IFT43: variants seen among roughly 807,000 people sequenced by gnomAD.
IFT43 encodes intraflagellar transport protein 43 homolog.
A neutral mutation model predicts 32.3 loss-of-function variants in IFT43; 33 were observed. The observed-to-expected ratio is 1.02, with a 90% confidence interval of 0.77 to 1.37. The LOEUF is 1.37. Among genes scored for constraint, IFT43 ranks in the 40% most tolerant of loss-of-function variants. The pLI, the probability that IFT43 is intolerant of heterozygous loss-of-function variation, is 0.00. For synonymous variants in IFT43, 93 were observed against 98.2 expected (o/e 0.95, Z 0.31); for missense variants, 274 against 265.9 (o/e 1.03, Z -0.21).
At position 76,082,030 on chromosome 14, in the gene IFT43, A is replaced by G. The variant is rs567200505; in HGVS notation, c.296-265A>G. Reference sequence around the variant, plus strand: ...CTAACCTGTTGCACGCGTCAGAATCACCAAGGAACGCCTGGGAAAAAAATC... The same window carrying G: ...CTAACCTGTTGCACGCGTCAGAATCGCCAAGGAACGCCTGGGAAAAAAATC... On this transcript the variant is annotated intron_variant, in intron 5 of 8. Transcript: ENST00000314067. 9.5e-4 allele frequency among the ~76,000 whole-genome samples: 145 copies of G among 152,290 alleles called. 2 individuals are homozygous for G. Among genetic ancestry groups the G allele is most frequent in the Admixed American group, 9.8e-4 (15 of 15,302 alleles).
chr14:76,041,399 G>A (rs780044134), intron 3 of IFT43, among the ~76,000 whole-genome samples: 2 of 152,192 alleles, frequency 1.3e-5, no homozygotes, highest in Non-Finnish European at 2.9e-5. Flanking sequence ...TTTCTGGACT[G>A]GTAGAAAGTG....
chr14:76,050,485 G>A (rs1204708904), intron 3 of IFT43, among the ~76,000 whole-genome samples: 1 of 151,950 alleles, frequency 6.6e-6, no homozygotes, highest in Non-Finnish European at 1.5e-5. Context: ...TTGTTTTCTT[G>A]GGTTTTGTTT....
chr14:76,082,714 TAG>T, intron 7 of IFT43, 22 bp downstream of exon 7: 1 of 1,523,996 alleles, frequency 6.6e-7, no homozygotes, highest in Non-Finnish European at 9.1e-7. Flanking sequence ...AGCTTCTGCA[TAG>T]AGAGGCGGGC....
At chr14:76,007,068 A>C (rs1289287393) in intron 2 of IFT43, among the ~76,000 whole-genome samples, 3 of 152,110 alleles carry the variant, frequency 2.0e-5, no homozygotes, top group Non-Finnish European at 4.4e-5. Flanking sequence ...TTTGTTGCCC[A>C]GGCTGGTCTT....
At chr14:76,043,489 C>T (rs962329193) in intron 3 of IFT43, among the ~76,000 whole-genome samples, 9 of 151,422 alleles carry the variant, frequency 5.9e-5, no homozygotes, top group Non-Finnish European at 7.4e-5. Context: ...TTTTTTGAGA[C>T]GGAGTCTCGC....
chr14:76,073,766 A>G (rs867441499), intron 5 of IFT43, among the ~76,000 whole-genome samples: 7 of 152,324 alleles, frequency 4.6e-5, no homozygotes, highest in Middle Eastern at 3.4e-3. Flanking sequence ...AAAGTGCCCA[A>G]GGCGAACTCC....
At chr14:76,070,296 A>AT (rs1402825968) in intron 5 of IFT43, among the ~76,000 whole-genome samples, 1 of 152,088 alleles carries the variant, frequency 6.6e-6, no homozygotes, top group Non-Finnish European at 1.5e-5. Context: ...CTCTCTCTAG[A>AT]TTTTTTTGCT....
intron 3 of IFT43, among the ~76,000 whole-genome samples, chr14:76,043,530 G>T (rs973815780): frequency 1.3e-5 from 2 of 151,810 alleles, no homozygotes; most frequent in Admixed American, 6.6e-5. Flanking sequence ...GCAGTGGTGC[G>T]ATCTTGGCTC....
chr14:76,060,812 T>TCCTCCCTC (rs142190540), intron 5 of IFT43, among the ~76,000 whole-genome samples: 20 of 137,046 alleles, frequency 1.5e-4, no homozygotes, highest in African/African-American at 2.4e-4. Context: ...TTCCCTCCCT[T>TCCTCCCTC]CCTCCCTCCC....
chr14:76,076,536 A>AGT (rs1444953071), intron 5 of IFT43: 4 of 1,606,916 alleles, frequency 2.5e-6, no homozygotes, highest in Non-Finnish European at 3.4e-6. Flanking sequence ...AGAGCTGGGT[A>AGT]GTGCTTGGGG....
chr14:76,051,454 C>T (rs1032717463), intron 3 of IFT43, among the ~76,000 whole-genome samples: 1 of 151,904 alleles, frequency 6.6e-6, no homozygotes, highest in Non-Finnish European at 1.5e-5. Context: ...GCAGTGTGGC[C>T]AAGATGACAA....
At chr14:76,019,648 A>G (rs2036254108) in intron 2 of IFT43, among the ~76,000 whole-genome samples, 1 of 152,254 alleles carries the variant, frequency 6.6e-6, no homozygotes, top group South Asian at 2.1e-4. Context: ...CTATTATTGC[A>G]TTAATAGGTT....
chr14:76,078,328 C>T (rs1205565335), intron 5 of IFT43, among the ~76,000 whole-genome samples: 3 of 152,076 alleles, frequency 2.0e-5, no homozygotes, highest in Non-Finnish European at 4.4e-5. Flanking sequence ...ATTAGGTTTC[C>T]CTGTTGCTTT....
At chr14:75,995,113 C>T (rs1368970057) in intron 2 of IFT43, among the ~76,000 whole-genome samples, 1 of 152,188 alleles carries the variant, frequency 6.6e-6, no homozygotes, top group Non-Finnish European at 1.5e-5. Flanking sequence ...CTTATGGTAG[C>T]TCTTGAAGTA....
intron 5 of IFT43, among the ~76,000 whole-genome samples, chr14:76,063,269 T>C (rs781554855): frequency 1.1e-4 from 17 of 152,240 alleles, no homozygotes; most frequent in Non-Finnish European, 2.2e-4. Context: ...AATATCATAA[T>C]GCGTAACCCC....
intron 2 of IFT43, among the ~76,000 whole-genome samples, chr14:75,991,099 G>A (rs1285098364): frequency 6.6e-6 from 1 of 152,150 alleles, no homozygotes; most frequent in Non-Finnish European, 1.5e-5. Flanking sequence ...CAGCACTTTG[G>A]GAAGCCAAGG....
At chr14:76,065,289 A>G (rs1179284667) in intron 5 of IFT43, among the ~76,000 whole-genome samples, 4 of 152,236 alleles carry the variant, frequency 2.6e-5, no homozygotes, top group African/African-American at 9.6e-5. Flanking sequence ...TATGCCAGCT[A>G]CATTTTCTCT....
At chr14:76,032,892 G>A (rs930555962) in intron 3 of IFT43, among the ~76,000 whole-genome samples, 1 of 152,198 alleles carries the variant, frequency 6.6e-6, no homozygotes, top group African/African-American at 2.4e-5. Flanking sequence ...AGGAGTTGAA[G>A]GTCACTGCAA....
intron 2 of IFT43, among the ~76,000 whole-genome samples, chr14:76,007,879 A>G (rs564179748): frequency 2.0e-5 from 3 of 152,316 alleles, no homozygotes; most frequent in Middle Eastern, 3.4e-3. Flanking sequence ...ATTGAGATTA[A>G]GAAGATGCCA....
Sources: allele counts gnomAD v4.1 joint callset (sites outside exome capture counted in the v4.1 genomes callset), GRCh38; gene constraint gnomAD v4.1.1; transcripts MANE v1.5; gene names NCBI Gene and HGNC (gene_info 2026-07-23, HGNC 2026-07-21).